SORCS3: variants seen among roughly 807,000 people sequenced by gnomAD.
SORCS3 encodes VPS10 domain-containing receptor SorCS3.
Under a neutral mutation model 146.3 loss-of-function variants are expected in SORCS3, and 57 were observed. That is an observed-to-expected ratio of 0.39 (90% confidence interval 0.31 to 0.49). The LOEUF is 0.49. Among genes scored for constraint, SORCS3 ranks in the 20% least tolerant of loss-of-function variants. SORCS3 has a pLI of 0.92. For synonymous variants in SORCS3, 653 were observed against 618.5 expected, an observed-to-expected ratio of 1.06 and a Z score of -0.83; for missense variants, 1,341 against 1,575.5, an observed-to-expected ratio of 0.85 and a Z score of 2.52.
At chr10:104,653,878 G>T (rs1446363378) in intron 1 of SORCS3, among the ~76,000 whole-genome samples, 1 of 151,950 alleles carries the variant, frequency 6.6e-6, no homozygotes, top group East Asian at 1.9e-4. Context: ...TCACCCTTTT[G>T]TGCTATCAAA....
intron 1 of SORCS3, among the ~76,000 whole-genome samples, chr10:104,659,740 G>A (rs1339492926): frequency 2.0e-5 from 3 of 152,176 alleles, no homozygotes; most frequent in South Asian, 2.1e-4. Context: ...TTGCCAAGGC[G>A]CCTGCCCTGT....
chr10:105,111,396 A>G (rs999062854), intron 7 of SORCS3, among the ~76,000 whole-genome samples: 3 of 152,172 alleles, frequency 2.0e-5, no homozygotes, highest in African/African-American at 7.2e-5. Context: ...TCCTGCTCTT[A>G]GCATAATTAC....
chr10:104,737,751 T>C (rs1483843524), intron 1 of SORCS3, among the ~76,000 whole-genome samples: 7 of 151,866 alleles, frequency 4.6e-5, no homozygotes, highest in Non-Finnish European at 1.5e-5. Context: ...TGGTAGTTTC[T>C]TTTGCTGTGC....
chr10:104,719,587 T>C (rs2016519523), intron 1 of SORCS3, among the ~76,000 whole-genome samples: 1 of 152,184 alleles, frequency 6.6e-6, no homozygotes, highest in Non-Finnish European at 1.5e-5. Flanking sequence ...TCTGCTCTTC[T>C]CCTTCTCCGT....
intron 6 of SORCS3, among the ~76,000 whole-genome samples, chr10:105,097,708 G>T (rs1212770275): frequency 2.0e-5 from 3 of 151,948 alleles, no homozygotes; most frequent in Admixed American, 1.3e-4. Context: ...GAGTAAAATT[G>T]TCAACAAGGG....
intron 1 of SORCS3, among the ~76,000 whole-genome samples, chr10:104,753,610 A>G (rs949176682): frequency 2.6e-5 from 4 of 152,178 alleles, no homozygotes; most frequent in African/African-American, 9.7e-5. Flanking sequence ...TAGAAGTGTA[A>G]GGATCCTAAT....
intron 14 of SORCS3, among the ~76,000 whole-genome samples, chr10:105,181,384 G>A (rs759552273): frequency 3.3e-5 from 5 of 152,134 alleles, no homozygotes; most frequent in Non-Finnish European, 7.3e-5. Context: ...GTGTAGAGGT[G>A]TCTATATGGA....
chr10:105,064,735 TAAA>T, intron 5 of SORCS3, among the ~76,000 whole-genome samples: 1 of 143,938 alleles, frequency 6.9e-6, no homozygotes, highest in African/African-American at 2.4e-5. Context: ...GGGAAGGAGA[TAAA>T]AAGGGAGAGA....
At chr10:104,675,152 T>G (rs190403121) in intron 1 of SORCS3, among the ~76,000 whole-genome samples, 1 of 152,216 alleles carries the variant, frequency 6.6e-6, no homozygotes, top group Non-Finnish European at 1.5e-5. Context: ...TTCATTTTAG[T>G]CATTCTGTTG....
At chr10:104,753,219 G>T (rs2017009283) in intron 1 of SORCS3, among the ~76,000 whole-genome samples, 5 of 152,176 alleles carry the variant, frequency 3.3e-5, no homozygotes, top group Admixed American at 2.0e-4. Flanking sequence ...ACAGAAGAAG[G>T]TTTAGGGCAC....
At position 104,977,322 on chromosome 10, in the gene SORCS3, A is replaced by G. The variant is rs755095272; in HGVS notation, c.796-13A>G. Reference sequence around the variant, plus strand: ...TAACTCTGTCTGTATATGTCCCTCTATCCTTTCTTTAGATTATGCTTCTCA... The same window carrying G: ...TAACTCTGTCTGTATATGTCCCTCTGTCCTTTCTTTAGATTATGCTTCTCA... On this transcript the variant is annotated splice_polypyrimidine_tract_variant and intron_variant, in intron 3 of 26. Coordinates refer to ENST00000369701, the MANE Select transcript of SORCS3 (RefSeq NM_014978.3). 8 of 1,605,020 alleles carry G rather than the reference A, an allele frequency of 5.0e-6. No individual in the cohort carries two copies. The South Asian group carries it at 5.6e-5, about 11-fold the overall frequency.
chr10:105,183,500 T>C (rs1310496705), intron 14 of SORCS3, among the ~76,000 whole-genome samples: 2 of 152,188 alleles, frequency 1.3e-5, no homozygotes, highest in Non-Finnish European at 2.9e-5. Flanking sequence ...TTGTTTAGCC[T>C]CTAGTAACTG....
At position 104,641,828 on chromosome 10, in the gene SORCS3, G is replaced by A. The variant is rs1469473473; in HGVS notation, c.501G>A (p.Glu167=). Residue 167 remains glutamate (E), a synonymous_variant, in exon 1 of 27, where the codon GAG becomes GAA. Transcript: ENST00000369701. The surrounding 1 kb of genome is among the most constrained non-coding windows in gnomAD (Gnocchi z 6.4). ...SRPLAKGSRE[E]VKAPRAGGSA... ...CCCTTGCTAAGGGTTCCCGGGAGGA[G>A]GTGAAGGCGCCGCGGGCTGGGGGGT... 2.6e-6 allele frequency: 4 copies of A among 1,559,556 alleles called. No individual in the cohort carries two copies. Among genetic ancestry groups the A allele is most frequent in the Non-Finnish European group, 3.5e-6 (4 of 1,154,104 alleles).
rs569342577 is a variant in SORCS3 at position 105,259,813 on chromosome 10, A to T, written c.3444-2518A>T. 2.9e-3 allele frequency among the ~76,000 whole-genome samples: 445 copies of T among 152,218 alleles called. 2 individuals carry two copies. Among genetic ancestry groups the T allele is most frequent in the African/African-American group, 0.01 (427 of 41,544 alleles). On this transcript the variant is annotated intron_variant, in intron 25 of 26. Transcript: ENST00000369701. ...TACAGGCTTCTAACACTCATAATAG[A>T]TGGATAAATAGATACAAACTGCAGT...
intron 3 of SORCS3, among the ~76,000 whole-genome samples, chr10:104,963,715 T>G (rs1167700336): frequency 1.3e-5 from 2 of 152,148 alleles, no homozygotes; most frequent in Non-Finnish European, 2.9e-5. Context: ...TCTGTTTGGA[T>G]GTGTATTAAG....
intron 4 of SORCS3, among the ~76,000 whole-genome samples, chr10:104,980,631 G>T (rs1391627403): frequency 6.6e-6 from 1 of 152,218 alleles, no homozygotes; most frequent in African/African-American, 2.4e-5. Context: ...AGATGTTTGT[G>T]GTGAGGAGTG....
chr10:104,759,739 G>T (rs141528457), intron 1 of SORCS3, among the ~76,000 whole-genome samples: 1 of 152,000 alleles, frequency 6.6e-6, no homozygotes, highest in African/African-American at 2.4e-5. Flanking sequence ...AACTTACCTC[G>T]TTGTATTCTA....
chr10:104,750,104 A>G (rs984499787), intron 1 of SORCS3, among the ~76,000 whole-genome samples: 28 of 152,204 alleles, frequency 1.8e-4, no homozygotes, highest in African/African-American at 6.0e-4. Context: ...AACTTATATT[A>G]CATACTATGA....
chr10:104,972,759 C>A (rs1311639544), intron 3 of SORCS3, among the ~76,000 whole-genome samples: 1 of 152,098 alleles, frequency 6.6e-6, no homozygotes, highest in Non-Finnish European at 1.5e-5. Context: ...GAGAGGGCAT[C>A]CCTGTCTTGT....
Sources: gnomAD v4.1 joint callset for allele counts (sites outside exome capture counted in the v4.1 genomes callset) on GRCh38, gnomAD v4.1.1 for gene constraint, Gnocchi (gnomAD v3.1) non-coding constraint, MANE v1.5 for transcripts, NCBI Gene and HGNC (gene_info 2026-07-23, HGNC 2026-07-21) for gene names.